The following USP20 variants were observed in gnomAD, a reference collection of about 807,000 sequenced individuals.
USP20 encodes the protein ubiquitin carboxyl-terminal hydrolase 20.
A neutral mutation model predicts 124.2 loss-of-function variants in USP20; 80 were observed. The ratio of observed to expected loss-of-function variants is 0.64; its 90% CI spans 0.54 to 0.78. The LOEUF is 0.78. Among genes scored for constraint, USP20 ranks in the 30% least tolerant of loss-of-function variants. The pLI is 0.00. For missense variants in USP20, 1,043 were observed against 1,244.4 expected, an observed-to-expected ratio of 0.84 and a Z score of 2.44; for synonymous variants, 481 against 512.3, an observed-to-expected ratio of 0.94 and a Z score of 0.83.
At chr9:129,869,969 G>A (rs2034035507) in intron 14 of USP20, 125 bp downstream of exon 14, 61 of 1,200,114 alleles carry the variant, frequency 5.1e-5, no homozygotes, top group South Asian at 4.2e-4. Flanking sequence ...AGGAGCTGGG[G>A]GCCGAAGCCT....
intron 25 of USP20, 41 bp from the exon 26 acceptor site, chr9:129,880,426 A>C: frequency 9.4e-7 from 1 of 1,064,648 alleles, no homozygotes; most frequent in Non-Finnish European, 1.3e-6. Flanking sequence ...AGGGCCCTGG[A>C]CATGGCCCGG....
At chr9:129,847,049 C>A (rs2131041196) in intron 1 of USP20, among the ~76,000 whole-genome samples, 1 of 152,268 alleles carries the variant, frequency 6.6e-6, no homozygotes, top group East Asian at 1.9e-4. Context: ...TTGATGGGCA[C>A]TTGGTTTGCA....
Position 129,868,391 on chromosome 9 carries a change from C to T in USP20, c.1077C>T (p.Asp359=), listed in dbSNP as rs865868473. 2 of 1,489,912 alleles carry T rather than the reference C, an allele frequency of 1.3e-6. No individual in the cohort carries two copies. Among genetic ancestry groups the T allele is most frequent in the Non-Finnish European group, 1.8e-6 (2 of 1,109,800 alleles). 92.3% of individuals were successfully genotyped at this position (1,489,912 alleles called of 1,614,324 possible). A position where few individuals can be genotyped will look rare whatever the true frequency, so the allele number is the denominator to read the frequency against. The stretch of plus-strand genomic sequence containing the variant: ...ACACTGCCATGGCTGCCCTTGACGA[C>T]CAGCCCGCGGAGGCCCAGCCCCCGT... ...DVDTAMAALD[D]QPAEAQPPSP... The change falls in exon 11 of 26, where the codon GAC becomes GAT. Residue 359 remains aspartate (D), a synonymous_variant. Transcript: ENST00000372429.
chr9:129,873,172 C>A (rs1425385345), intron 15 of USP20, among the ~76,000 whole-genome samples: 1 of 150,788 alleles, frequency 6.6e-6, no homozygotes, highest in Non-Finnish European at 1.5e-5. Context: ...TGCCCCGAGC[C>A]CCCCAGGTTC....
At chr9:129,873,978 T>C (rs907657698) in intron 17 of USP20, among the ~76,000 whole-genome samples, 2 of 152,108 alleles carry the variant, frequency 1.3e-5, no homozygotes, top group African/African-American at 4.8e-5. Flanking sequence ...TCTAACATGT[T>C]GTATGAGGGC....
intron 6 of USP20, among the ~76,000 whole-genome samples, chr9:129,859,708 T>A (rs2033436129): frequency 6.6e-6 from 1 of 152,244 alleles, no homozygotes; most frequent in Non-Finnish European, 1.5e-5. Context: ...AATATCTTGT[T>A]TTTGTTGTGC....
chr9:129,863,221 G>A lies in USP20; in HGVS notation c.533G>A (p.Gly178Asp). The stretch of plus-strand genomic sequence containing the variant: ...ACTCAGTTCTTCTTGGAGTGTGGCG[G>A]CCTGGTGCGCACAGATAAGAAGCCA... The part of the protein sequence containing the change: ...PLTQFFLECG[G>D]LVRTDKKPAL... Residue 178 changes from glycine to aspartate, a missense_variant, in exon 9 of 26, where the codon GGC becomes GAC. By Grantham distance (94) the Gly-to-Asp change is moderately conservative. Coordinates refer to ENST00000372429, the MANE Select transcript of USP20 (RefSeq NM_001110303.4). The A allele has an allele frequency of 1.3e-6, 2 of 1,547,794 alleles. No individual in the cohort carries two copies. Among genetic ancestry groups the A allele is most frequent in the Non-Finnish European group, 1.7e-6 (2 of 1,143,606 alleles).
chr9:129,839,709 A>G lies in USP20; in HGVS notation c.-129+4210A>G, dbSNP rs537791093. Among the ~76,000 whole-genome samples the G allele has an allele frequency of 2.6e-5, 4 of 152,106 alleles. No homozygotes were observed. Among genetic ancestry groups the G allele is most frequent in the Admixed American group, 2.6e-4 (4 of 15,286 alleles). ...TCGTTGTGTGGGTGGGAGGCCCAGA[A>G]GTGTCGCCCTCCCCATCCTGAGGGA... On this transcript the variant is annotated intron_variant, in intron 1 of 25. Transcript: ENST00000372429. This position sits in a 1 kb window ranked among gnomAD's most constrained non-coding sequence, Gnocchi z 4.5.
intron 6 of USP20, among the ~76,000 whole-genome samples, chr9:129,859,629 T>C (rs1224570316): frequency 1.3e-5 from 2 of 152,158 alleles, no homozygotes; most frequent in African/African-American, 2.4e-5. Flanking sequence ...AAAATGCTTA[T>C]TGAATGCATT....
At chr9:129,843,495 G>GA (rs1321644473) in intron 1 of USP20, among the ~76,000 whole-genome samples, 1 of 152,094 alleles carries the variant, frequency 6.6e-6, no homozygotes, top group Non-Finnish European at 1.5e-5. Context: ...CAGCACTTGA[G>GA]AAGCTGAGGC....
intron 2 of USP20, among the ~76,000 whole-genome samples, chr9:129,851,220 C>T (rs2032899359): frequency 6.6e-6 from 1 of 151,214 alleles, no homozygotes; most frequent in Non-Finnish European, 1.5e-5. Context: ...TCCTTTGTAC[C>T]TTCACCCAGT....
rs2032985753 is a variant in USP20, at chr9:129,852,607, A to G, written c.52A>G (p.Thr18Ala). 6.3e-7 allele frequency: 1 copy of G among 1,598,186 alleles called. No individual in the cohort carries two copies. Among genetic ancestry groups the G allele is most frequent in the South Asian group, 1.1e-5 (1 of 88,214 alleles). Residue 18 changes from threonine to alanine, a missense_variant, in exon 3 of 26, where the codon ACC becomes GCC. Coordinates refer to ENST00000372429, the MANE Select transcript of USP20 (RefSeq NM_001110303.4). Reference sequence around the variant, plus strand: ...TCACCTTGACTCCATAGGAGAGGTGACCAAAGAGGACTTGCTGCTCAAATC... The same window carrying G: ...TCACCTTGACTCCATAGGAGAGGTGGCCAAAGAGGACTTGCTGCTCAAATC... Reference protein sequence around the residue: ...CPHLDSIGEVTKEDLLLKSKG... With the variant: ...CPHLDSIGEVAKEDLLLKSKG...
intron 22 of USP20, 28 bp downstream of exon 22, chr9:129,876,266 G>A (rs960172272): frequency 2.4e-5 from 38 of 1,575,022 alleles, no homozygotes; most frequent in East Asian, 1.9e-4. Context: ...GCGCGGGGGC[G>A]GCTCTGCCAG....
intron 16 of USP20, 84 bp from the exon 17 acceptor site, chr9:129,873,615 C>CA (rs2034241103): frequency 1.9e-6 from 3 of 1,613,310 alleles, no homozygotes; most frequent in Non-Finnish European, 2.5e-6. Flanking sequence ...CCTGCCTTCC[C>CA]AGAAGGGAGC....
intron 1 of USP20, among the ~76,000 whole-genome samples, chr9:129,843,431 A>G (rs2032351224): frequency 6.6e-6 from 1 of 150,856 alleles, no homozygotes. Flanking sequence ...CTCTGTCTCA[A>G]CCACGACAAC....
At chr9:129,849,116 C>G (rs1382717345) in intron 1 of USP20, among the ~76,000 whole-genome samples, 1 of 152,194 alleles carries the variant, frequency 6.6e-6, no homozygotes, top group Non-Finnish European at 1.5e-5. Flanking sequence ...TGGAAGGGGC[C>G]AGGCCTTCCT....
At chr9:129,843,158 G>A (rs189357047) in intron 1 of USP20, among the ~76,000 whole-genome samples, 49 of 149,780 alleles carry the variant, frequency 3.3e-4, no homozygotes, top group African/African-American at 1.2e-3. Flanking sequence ...GGCCGGGCAT[G>A]GTGGCGTACA....
chr9:129,876,335 A>C (rs1218793355), intron 22 of USP20, 97 bp downstream of exon 22: 1 of 1,026,450 alleles, frequency 9.7e-7, no homozygotes, highest in African/African-American at 1.6e-5. Context: ...GTCCCTGAGC[A>C]AGTTTGAAAG....
At chr9:129,856,268 C>T (rs767721592) in intron 3 of USP20, 39 bp from the exon 4 acceptor site, 1 of 1,607,972 alleles carries the variant, frequency 6.2e-7, no homozygotes, top group Admixed American at 1.7e-5. Context: ...CAACGGGCTC[C>T]TCATGCCTGC....
Sources: allele counts gnomAD v4.1 joint callset (sites outside exome capture counted in the v4.1 genomes callset), GRCh38; gene constraint gnomAD v4.1.1; non-coding constraint Gnocchi (gnomAD v3.1); transcripts MANE v1.5; gene names NCBI Gene and HGNC (gene_info 2026-07-23, HGNC 2026-07-21).